Variants in GPC5 observed in about 807,000 individuals in gnomAD.
GPC5 encodes the protein glypican 5, also known as glypican-5.
In GPC5, 47 loss-of-function variants were observed where a neutral mutation model predicts 53.9. The observed-to-expected ratio is 0.87, with a 90% CI of 0.69 to 1.11. The LOEUF is 1.11. GPC5 is among the 50% of genes most tolerant of loss of function. The pLI is 0.00. For missense variants in GPC5, 748 were observed against 713.1 expected, an observed-to-expected ratio of 1.05 and a Z score of -0.56; for synonymous variants, 286 against 263.3, an observed-to-expected ratio of 1.09 and a Z score of -0.84.
chr13:91,939,080 T>G (rs1441355463), intron 6 of GPC5, among the ~76,000 whole-genome samples: 1 of 152,066 alleles, frequency 6.6e-6, no homozygotes, highest in African/African-American at 2.4e-5. Context: ...GTTTTTTGTT[T>G]TTGCCTTTCT....
intron 2 of GPC5, among the ~76,000 whole-genome samples, chr13:91,644,908 C>T (rs986941802): frequency 1.3e-5 from 2 of 152,156 alleles, no homozygotes; most frequent in Non-Finnish European, 2.9e-5. Context: ...AACTTAAAGA[C>T]TGTTACTCAA....
At position 91,785,562 on chromosome 13, in the gene GPC5, A is replaced by G. The variant is rs145761632; in HGVS notation, c.1280+29142A>G. On this transcript the variant is annotated intron_variant, in intron 5 of 7. Transcript: ENST00000377067. The stretch of plus-strand genomic sequence containing the variant: ...CACAAATTTCAGGCTTGTATATCCA[A>G]CTGCTTACTTGGCATATTCAGCTCA... 1.0e-3 allele frequency among the ~76,000 whole-genome samples: 153 copies of G among 152,348 alleles called. 2 individuals are homozygous for G. Among genetic ancestry groups the G allele is most frequent in the Admixed American group, 5.8e-3 (88 of 15,304 alleles).
At chr13:92,129,885 G>A (rs1175709564) in intron 6 of GPC5, among the ~76,000 whole-genome samples, 7 of 152,090 alleles carry the variant, frequency 4.6e-5, no homozygotes, top group African/African-American at 1.7e-4. Context: ...ACAAGTGAGA[G>A]AGAATAGAGA....
intron 7 of GPC5, among the ~76,000 whole-genome samples, chr13:92,443,484 T>G (rs1184037438): frequency 6.6e-6 from 1 of 152,180 alleles, no homozygotes; most frequent in Non-Finnish European, 1.5e-5. Context: ...CCTGTGAATA[T>G]TTACTAAGTT....
At chr13:91,851,967 G>C (rs1431335036) in intron 5 of GPC5, among the ~76,000 whole-genome samples, 1 of 150,628 alleles carries the variant, frequency 6.6e-6, no homozygotes, top group Non-Finnish European at 1.5e-5. Flanking sequence ...ACATACGCGT[G>C]CATGTGTCTT....
At position 91,969,283 on chromosome 13, in the gene GPC5, T is replaced by C. The variant is rs150294405; in HGVS notation, c.1401+61226T>C. Among the ~76,000 whole-genome samples the C allele has an allele frequency of 6.1e-3, 925 of 152,280 alleles. 8 individuals are homozygous for C. The highest frequency in any genetic ancestry group is 0.021 in the African/African-American group (876 of 41,556). ...TGCCTGACCTATTTTTCTTATACTT[T>C]AAGTTATTTCTTTGATACATTTTAA... On this transcript the variant is annotated intron_variant, in intron 6 of 7. Transcript: ENST00000377067.
intron 4 of GPC5, among the ~76,000 whole-genome samples, chr13:91,731,632 G>C (rs1396883037): frequency 6.6e-6 from 1 of 151,938 alleles, no homozygotes; most frequent in South Asian, 2.1e-4. Flanking sequence ...TGTCCTCTAG[G>C]TTTTAAGTCC....
intron 2 of GPC5, among the ~76,000 whole-genome samples, chr13:91,494,179 C>T (rs142716693): frequency 2.0e-4 from 30 of 151,974 alleles, no homozygotes; most frequent in Admixed American, 1.8e-3. Flanking sequence ...CATGAGCCAC[C>T]GCGCCCGGTC....
intron 2 of GPC5, among the ~76,000 whole-genome samples, chr13:91,509,338 G>A (rs909496488): frequency 1.6e-4 from 22 of 137,710 alleles, no homozygotes; most frequent in African/African-American, 5.5e-4. Context: ...TTCACTGTGA[G>A]ACTATCTCAA....
chr13:91,655,231 C>G (rs1487878132), intron 2 of GPC5, among the ~76,000 whole-genome samples: 1 of 151,934 alleles, frequency 6.6e-6, no homozygotes, highest in African/African-American at 2.4e-5. Flanking sequence ...AGAATTTTGG[C>G]AAGATGGCTT....
At chr13:91,842,500 A>T (rs1271526321) in intron 5 of GPC5, among the ~76,000 whole-genome samples, 1 of 149,672 alleles carries the variant, frequency 6.7e-6, no homozygotes, top group Non-Finnish European at 1.5e-5. Flanking sequence ...CAGGAGATCG[A>T]GACCATCTTG....
At chr13:91,790,116 C>G (rs1241334051) in intron 5 of GPC5, among the ~76,000 whole-genome samples, 1 of 152,142 alleles carries the variant, frequency 6.6e-6, no homozygotes, top group Non-Finnish European at 1.5e-5. Context: ...GTGGTGAGGA[C>G]AAACCAACAT....
At chr13:92,806,796 A>G (rs1877116968) in intron 7 of GPC5, among the ~76,000 whole-genome samples, 1 of 152,042 alleles carries the variant, frequency 6.6e-6, no homozygotes, top group Admixed American at 6.6e-5. Context: ...CACCAGTAAC[A>G]TCAAAGACCA....
chr13:91,799,927 T>C (rs1172888960), intron 5 of GPC5, among the ~76,000 whole-genome samples: 1 of 152,114 alleles, frequency 6.6e-6, no homozygotes. Context: ...CAAAGAACTA[T>C]GGGAATGTTA....
intron 7 of GPC5, among the ~76,000 whole-genome samples, chr13:92,635,471 G>A (rs1386650065): frequency 5.9e-5 from 9 of 152,166 alleles, no homozygotes; most frequent in African/African-American, 2.2e-4. Flanking sequence ...GGGCAAGAGA[G>A]TGTGTTCACA....
chr13:91,661,111 G>A (rs74443877), intron 2 of GPC5, among the ~76,000 whole-genome samples: 31 of 152,202 alleles, frequency 2.0e-4, no homozygotes, highest in African/African-American at 7.5e-4. Flanking sequence ...GTAAGGCAAG[G>A]GTCACCGAGA....
At chr13:92,501,354 G>A (rs1237147236) in intron 7 of GPC5, among the ~76,000 whole-genome samples, 1 of 152,076 alleles carries the variant, frequency 6.6e-6, no homozygotes, top group African/African-American at 2.4e-5. Flanking sequence ...TGACAGAAAT[G>A]TGACAATATA....
At chr13:91,846,514 A>G (rs2038850609) in intron 5 of GPC5, among the ~76,000 whole-genome samples, 1 of 152,152 alleles carries the variant, frequency 6.6e-6, no homozygotes, top group Admixed American at 6.5e-5. Flanking sequence ...CTTTATAATA[A>G]GCTAAGCAGC....
chr13:92,601,678 G>C (rs975914099), intron 7 of GPC5, among the ~76,000 whole-genome samples: 9 of 151,050 alleles, frequency 6.0e-5, no homozygotes, highest in African/African-American at 2.2e-4. Context: ...ATAATCATCT[G>C]AAAAAGAAAA....
Sources: allele counts gnomAD v4.1 joint callset (sites outside exome capture counted in the v4.1 genomes callset), GRCh38; gene constraint gnomAD v4.1.1; transcripts MANE v1.5; gene names NCBI Gene and HGNC (gene_info 2026-07-23, HGNC 2026-07-21).